The following PTPRZ1 variants were observed in gnomAD, a reference collection of about 807,000 sequenced individuals.
PTPRZ1 encodes protein tyrosine phosphatase receptor type Z1, also known as receptor-type tyrosine-protein phosphatase zeta.
In PTPRZ1, 82 loss-of-function variants were observed where a neutral mutation model predicts 214.1. The ratio of observed to expected loss-of-function variants is 0.38; its 90% confidence interval spans 0.32 to 0.46. The LOEUF is 0.46. Among genes scored for constraint, PTPRZ1 ranks in the 20% least tolerant of loss-of-function variants. PTPRZ1 has a pLI of 1.00. For missense variants in PTPRZ1, 2,603 were observed against 2,748.7 expected, an observed-to-expected ratio of 0.95 and a Z score of 1.19; for synonymous variants, 945 against 987.9, an observed-to-expected ratio of 0.96 and a Z score of 0.81.
chr7:121,874,061 C>CACACACACACACCT (rs1415912592), intron 1 of PTPRZ1, among the ~76,000 whole-genome samples: 2 of 151,764 alleles, frequency 1.3e-5, no homozygotes, highest in African/African-American at 4.9e-5. Flanking sequence ...CACACACACA[C>CACACACACACACCT]ACACCTGAAA....
At chr7:122,050,565 A>C (rs914242724) in intron 23 of PTPRZ1, among the ~76,000 whole-genome samples, 7 of 152,134 alleles carry the variant, frequency 4.6e-5, no homozygotes, top group Non-Finnish European at 8.8e-5. Context: ...GATAATTTGC[A>C]GAAAACTTAA....
At chr7:122,007,512 G>T (rs550055557) in intron 11 of PTPRZ1, among the ~76,000 whole-genome samples, 1 of 152,240 alleles carries the variant, frequency 6.6e-6, no homozygotes, top group Admixed American at 6.5e-5. Flanking sequence ...CCTGGAGCAT[G>T]ATTATGAGAT....
chr7:121,999,257 T>A (rs774919357), intron 10 of PTPRZ1, among the ~76,000 whole-genome samples: 3 of 152,234 alleles, frequency 2.0e-5, no homozygotes, highest in Non-Finnish European at 4.4e-5. Context: ...CTTATTGCCT[T>A]TATTTAGCAT....
At chr7:121,961,790 G>T (rs112591048) in intron 2 of PTPRZ1, among the ~76,000 whole-genome samples, 1 of 152,332 alleles carries the variant, frequency 6.6e-6, no homozygotes, top group African/African-American at 2.4e-5. Flanking sequence ...ACAAAATACA[G>T]TATGTTAAGT....
At chr7:122,032,999 A>G (rs2150470570) in intron 15 of PTPRZ1, among the ~76,000 whole-genome samples, 1 of 152,290 alleles carries the variant, frequency 6.6e-6, no homozygotes, top group East Asian at 1.9e-4. Flanking sequence ...GAAAAAATAG[A>G]CAATTTATAA....
chr7:122,012,939 T>C lies in PTPRZ1; in HGVS notation c.3893T>C (p.Leu1298Ser), dbSNP rs1798723925. 1 of 1,614,158 alleles carries C rather than the reference T, an allele frequency of 6.2e-7. No individual in the cohort carries two copies. Among genetic ancestry groups the C allele is most frequent in the Non-Finnish European group, 8.5e-7 (1 of 1,179,990 alleles). Reference sequence around the variant, plus strand: ...GATGAGTTGTTCCAAACGGCCAATTTGGAGATTAACCAGGCCCATCCCCCA... The same window carrying C: ...GATGAGTTGTTCCAAACGGCCAATTCGGAGATTAACCAGGCCCATCCCCCA... ...SNDELFQTAN[L>S]EINQAHPPKG... is the part of the protein sequence containing the mutation. The change falls in exon 12 of 30, where the codon TTG (leucine) becomes TCG (serine). Residue 1298 changes from leucine (L) to serine (S), a missense_variant. Leu to Ser is a moderately radical substitution (Grantham distance 145). Around this residue, in one of 6 missense-constraint regions of PTPRZ1, gnomAD observed 1,913 missense variants for 1,914.3 expected, o/e 1.00. Transcript: ENST00000393386.
chr7:121,912,710 T>A (rs1795314332), intron 1 of PTPRZ1, among the ~76,000 whole-genome samples: 1 of 151,198 alleles, frequency 6.6e-6, no homozygotes, highest in Admixed American at 6.6e-5. Context: ...GGGAAAAGAG[T>A]GGTGGCATCT....
intron 1 of PTPRZ1, among the ~76,000 whole-genome samples, chr7:121,927,334 G>A (rs1208535688): frequency 2.0e-5 from 3 of 152,158 alleles, no homozygotes; most frequent in African/African-American, 7.2e-5. Context: ...GTACAGTCAG[G>A]GATTAAGGGA....
chr7:121,962,225 G>A (rs1796899911), intron 2 of PTPRZ1, among the ~76,000 whole-genome samples: 1 of 151,988 alleles, frequency 6.6e-6, no homozygotes. Context: ...GAGGCGGGAG[G>A]ATCACAAGGT....
chr7:121,993,561 C>T (rs373940244), intron 8 of PTPRZ1, among the ~76,000 whole-genome samples: 3 of 113,352 alleles, frequency 2.6e-5, no homozygotes, highest in Non-Finnish European at 5.0e-5. Flanking sequence ...GATGACAGAG[C>T]GAGACTGTCT....
intron 10 of PTPRZ1, among the ~76,000 whole-genome samples, chr7:121,999,707 T>C (rs1798263335): frequency 6.6e-6 from 1 of 152,178 alleles, no homozygotes; most frequent in South Asian, 2.1e-4. Context: ...GCTTTAAACT[T>C]TCTGAATTTT....
Position 121,968,061 on chromosome 7 carries a change from A to G in PTPRZ1, c.235A>G (p.Lys79Glu). ...TACACAAGTAAATGTGAATCTTAAG[A>G]AACTTAAATTTCAGGGTTGGGATAA... is the stretch of plus-strand genomic sequence containing the variant. ...DLTQVNVNLK[K>E]LKFQGWDKTS... The change falls in exon 3 of 30, where the codon AAA becomes GAA. Residue 79 changes from lysine (K) to glutamate (E), a missense_variant. Transcript: ENST00000393386. The G allele has an allele frequency of 1.2e-6, 2 of 1,605,352 alleles. No homozygotes were observed. The highest frequency in any genetic ancestry group is 8.5e-7 in the Non-Finnish European group (1 of 1,173,958).
At chr7:121,983,611 C>G (rs140247690) in intron 6 of PTPRZ1, 54 bp from the exon 7 acceptor site, 1 of 1,482,508 alleles carries the variant, frequency 6.7e-7, no homozygotes, top group East Asian at 2.3e-5. Flanking sequence ...AAGTTTTGAA[C>G]AGCTAAGTTC....
intron 2 of PTPRZ1, among the ~76,000 whole-genome samples, chr7:121,929,065 A>G (rs1795847509): frequency 6.6e-6 from 1 of 152,208 alleles, no homozygotes; most frequent in East Asian, 1.9e-4. Context: ...TTTTGTAGAT[A>G]AGGATGTATT....
intron 1 of PTPRZ1, among the ~76,000 whole-genome samples, chr7:121,874,343 A>T (rs1273166377): frequency 1.3e-5 from 2 of 152,226 alleles, no homozygotes; most frequent in Non-Finnish European, 2.9e-5. Flanking sequence ...CCTGCGATGC[A>T]GACTCAAGTT....
intron 8 of PTPRZ1, among the ~76,000 whole-genome samples, chr7:121,986,425 A>G (rs1381182289): frequency 6.6e-6 from 1 of 152,240 alleles, no homozygotes; most frequent in African/African-American, 2.4e-5. Flanking sequence ...ATGACTTTAA[A>G]GACATGAAGC....
intron 23 of PTPRZ1, among the ~76,000 whole-genome samples, chr7:122,044,908 A>C (rs920340528): frequency 3.3e-5 from 5 of 151,826 alleles, no homozygotes; most frequent in Non-Finnish European, 7.4e-5. Context: ...AAAAAAAAAA[A>C]CAGACCACTT....
At position 122,058,839 on chromosome 7, in the gene PTPRZ1, A is replaced by G; in HGVS notation, c.6568A>G (p.Lys2190Glu). ...VLEVRHFQCP[K>E]WPNPDSPISK... ...TGAAGTGAGGCACTTTCAGTGTCCT[A>G]AATGGCCAAATCCAGATAGCCCCAT... Residue 2190 changes from lysine to glutamate, a missense_variant, in exon 28 of 30, where the codon AAA (lysine) becomes GAA (glutamate). By Grantham distance (56) the Lys-to-Glu change is moderately conservative. This residue lies in a region of PTPRZ1 where 165 missense variants were observed against 151.4 expected (regional missense o/e 1.09). Coordinates refer to ENST00000393386, the MANE Select transcript of PTPRZ1 (RefSeq NM_002851.3). The G allele has an allele frequency of 6.2e-7, 1 of 1,604,534 alleles. No homozygotes were observed.
chr7:122,033,708 A>G (rs1799454362), intron 15 of PTPRZ1: 2 of 171,380 alleles, frequency 1.2e-5, no homozygotes, highest in Non-Finnish European at 2.5e-5. Flanking sequence ...AAAAAAGCAC[A>G]TCACTAATTC....
Sources: gnomAD v4.1 joint callset for allele counts (sites outside exome capture counted in the v4.1 genomes callset) on GRCh38, gnomAD v4.1.1 for gene constraint, gnomAD v4.1.1 regional missense constraint, MANE v1.5 for transcripts, NCBI Gene and HGNC (gene_info 2026-07-23, HGNC 2026-07-21) for gene names.